The following TMEM245 variants were observed in gnomAD, a reference collection of about 807,000 sequenced individuals.
TMEM245 encodes the protein transmembrane protein 245, also known as protein CG-2.
TMEM245 carries 69 observed loss-of-function variants against 101.2 expected under a neutral mutation model. The observed-to-expected ratio is 0.68, with a 90% CI of 0.56 to 0.83. TMEM245 has a LOEUF of 0.83. TMEM245 is among the 40% of genes least tolerant of loss of function. The pLI is 0.00. For missense variants in TMEM245, 1,075 were observed against 1,092.8 expected, an observed-to-expected ratio of 0.98 and a Z score of 0.23; for synonymous variants, 537 against 449.8, an observed-to-expected ratio of 1.19 and a Z score of -2.45.
At chr9:109,022,438 T>C (rs1197464405) in intron 17 of TMEM245, among the ~76,000 whole-genome samples, 1 of 151,720 alleles carries the variant, frequency 6.6e-6, no homozygotes, top group Non-Finnish European at 1.5e-5. Context: ...AGGTGAAGAT[T>C]TGTATACGCA....
rs1827475817 is a variant in TMEM245, at chr9:109,017,299, C to T, written c.*3161G>A. On this transcript the variant is annotated 3_prime_UTR_variant, in exon 18 of 18. Coordinates refer to ENST00000374586, the MANE Select transcript of TMEM245 (RefSeq NM_032012.4). ...CTGTCATGGGCCAACCCACACTAGACTCAGAAGTCAAGGGAAAGCTCTGCC... is the reference window on the plus strand; with the variant it reads ...CTGTCATGGGCCAACCCACACTAGATTCAGAAGTCAAGGGAAAGCTCTGCC... The T allele has an allele frequency of 6.6e-6, 1 of 152,344 alleles. No homozygotes were observed. Among genetic ancestry groups the T allele is most frequent in the East Asian group, 1.9e-4 (1 of 5,184 alleles). The allele number at this position is 152,344 out of a possible 1,614,324, so 9.4% of individuals were successfully genotyped here.
At chr9:109,108,625 C>T (rs1314353290) in intron 1 of TMEM245, 55 bp from the exon 2 acceptor site, 1 of 1,277,632 alleles carries the variant, frequency 7.8e-7, no homozygotes, top group Non-Finnish European at 1.1e-6. Context: ...AATGAACATA[C>T]AATTATACAA....
rs1196432176 is a variant in TMEM245 at position 109,091,219 on chromosome 9, G to A, written c.917-64C>T. On this transcript the variant is annotated intron_variant, in intron 4 of 17. Coordinates refer to ENST00000374586, the MANE Select transcript of TMEM245 (RefSeq NM_032012.4). Reference sequence around the variant, plus strand: ...CCACATGAGGAAATGGGAATACAGAGCCACTCATTAGGCTAGCCTGTTTCA... The same window carrying A: ...CCACATGAGGAAATGGGAATACAGAACCACTCATTAGGCTAGCCTGTTTCA... 13 of 1,413,096 alleles carry A rather than the reference G, an allele frequency of 9.2e-6. No individual in the cohort carries two copies. In the East Asian group the frequency reaches 2.8e-4, roughly 31 times the overall value. The allele number at this position is 1,413,096 out of a possible 1,614,324, so 87.5% of individuals were successfully genotyped here.
chr9:109,036,044 T>A, intron 16 of TMEM245, 162 bp downstream of exon 16: 1 of 459,950 alleles, frequency 2.2e-6, no homozygotes, highest in Non-Finnish European at 3.6e-6. Flanking sequence ...AATACTATTT[T>A]CAATGAAAAT....
chr9:109,041,136 T>A (rs898979790), intron 14 of TMEM245, among the ~76,000 whole-genome samples: 1 of 152,200 alleles, frequency 6.6e-6, no homozygotes, highest in African/African-American at 2.4e-5. Flanking sequence ...TGTGAGTGGA[T>A]GCTGGCAGGA....
chr9:109,094,413 T>C (rs948869899), intron 3 of TMEM245, among the ~76,000 whole-genome samples: 2 of 152,232 alleles, frequency 1.3e-5, no homozygotes, highest in African/African-American at 4.8e-5. Context: ...GGTACACCTG[T>C]GCAGGACTTG....
intron 8 of TMEM245, among the ~76,000 whole-genome samples, chr9:109,078,565 T>A (rs1334424841): frequency 6.6e-6 from 1 of 152,260 alleles, no homozygotes; most frequent in Non-Finnish European, 1.5e-5. Context: ...AATATGTCAC[T>A]CCAATGTCTT....
chr9:109,025,050 T>C (rs749056623), intron 17 of TMEM245, among the ~76,000 whole-genome samples: 3 of 152,162 alleles, frequency 2.0e-5, no homozygotes, highest in Non-Finnish European at 4.4e-5. Context: ...GTAAAGAGGA[T>C]GAGCAGATTC....
chr9:109,063,462 ATTTT>A (rs918478702), intron 10 of TMEM245, among the ~76,000 whole-genome samples: 1 of 152,094 alleles, frequency 6.6e-6, no homozygotes, highest in African/African-American at 2.4e-5. Context: ...CCATTATATT[ATTTT>A]TTTAGATTTT....
chr9:109,024,638 C>T (rs996964354), intron 17 of TMEM245, among the ~76,000 whole-genome samples: 3 of 152,236 alleles, frequency 2.0e-5, no homozygotes, highest in African/African-American at 7.2e-5. Flanking sequence ...AAAAAGGGTA[C>T]TTTGAGTATA....
chr9:109,028,449 C>T lies in TMEM245; in HGVS notation c.2594+4858G>A, dbSNP rs544611732. On this transcript the variant is annotated intron_variant, in intron 17 of 17. Coordinates refer to ENST00000374586, the MANE Select transcript of TMEM245 (RefSeq NM_032012.4). Reference sequence around the variant, plus strand: ...AGCCTGGGTGACAAGAGTGACACTCCATCTCAAAAAAAAAAAAAAAATCCA... The same window carrying T: ...AGCCTGGGTGACAAGAGTGACACTCTATCTCAAAAAAAAAAAAAAAATCCA... 1.5e-3 allele frequency among the ~76,000 whole-genome samples: 144 copies of T among 94,076 alleles called. 1 individual carries two copies. Among genetic ancestry groups the T allele is most frequent in the African/African-American group, 4.0e-3 (134 of 33,306 alleles). 61.7% of individuals were successfully genotyped at this position (94,076 alleles called of 152,430 possible). A position where few individuals can be genotyped will look rare whatever the true frequency, so the allele number is the denominator to read the frequency against.
At chr9:109,105,834 G>C (rs531093500) in intron 3 of TMEM245, among the ~76,000 whole-genome samples, 1 of 151,974 alleles carries the variant, frequency 6.6e-6, no homozygotes, top group African/African-American at 2.4e-5. Flanking sequence ...GCAGTGGTGC[G>C]ATCTCGGCTC....
rs573872574 is a variant in TMEM245 at position 109,089,760 on chromosome 9, C to A, written c.1150+1162G>T. Among the ~76,000 whole-genome samples the A allele has an allele frequency of 2.6e-5, 4 of 152,266 alleles. No individual in the cohort carries two copies. The East Asian group carries it at 5.8e-4, about 22-fold the overall frequency. On this transcript the variant is annotated intron_variant, in intron 5 of 17. Coordinates refer to ENST00000374586, the MANE Select transcript of TMEM245 (RefSeq NM_032012.4). ...AATAGAGGTGGGCCTTAAATTACCA[C>A]AGCATTAAGATACAAAGACCTGATT...
intron 2 of TMEM245, among the ~76,000 whole-genome samples, chr9:109,106,984 G>T (rs1830444313): frequency 6.6e-6 from 1 of 151,902 alleles, no homozygotes; most frequent in Non-Finnish European, 1.5e-5. Flanking sequence ...AGTCTGCCTT[G>T]GTTTCTTGAA....
At chr9:109,110,855 T>C (rs1830549170) in intron 1 of TMEM245, among the ~76,000 whole-genome samples, 1 of 152,154 alleles carries the variant, frequency 6.6e-6, no homozygotes, top group Non-Finnish European at 1.5e-5. Context: ...AACTCAACTG[T>C]ACAAGTATGG....
chr9:109,064,862 A>G (rs1246875464), intron 9 of TMEM245, among the ~76,000 whole-genome samples: 4 of 151,972 alleles, frequency 2.6e-5, no homozygotes, highest in Admixed American at 2.0e-4. Flanking sequence ...GCTCGGTGCA[A>G]CCCTGCGACT....
intron 5 of TMEM245, among the ~76,000 whole-genome samples, chr9:109,088,661 C>CA (rs1219965016): frequency 4.0e-5 from 6 of 151,452 alleles, no homozygotes; most frequent in Non-Finnish European, 7.4e-5. Flanking sequence ...ACTAAAAATA[C>CA]AAAAAATTAG....
At chr9:109,088,301 GA>G (rs1249146795) in intron 5 of TMEM245, among the ~76,000 whole-genome samples, 1 of 152,132 alleles carries the variant, frequency 6.6e-6, no homozygotes, top group East Asian at 1.9e-4. Flanking sequence ...AGCCCTAAAA[GA>G]ACTCCTATAG....
At chr9:109,021,084 G>A (rs1339781464) in intron 17 of TMEM245, among the ~76,000 whole-genome samples, 2 of 152,206 alleles carry the variant, frequency 1.3e-5, no homozygotes, top group Non-Finnish European at 2.9e-5. Flanking sequence ...CAATGTTATT[G>A]GCGGGTAATA....
Sources: allele counts gnomAD v4.1 joint callset (sites outside exome capture counted in the v4.1 genomes callset), GRCh38; gene constraint gnomAD v4.1.1; transcripts MANE v1.5; gene names NCBI Gene and HGNC (gene_info 2026-07-23, HGNC 2026-07-21).